REELD1: variants seen among roughly 807,000 people sequenced by gnomAD.
The protein encoded by REELD1 is reeler domain containing 1.
A neutral mutation model predicts 6.3 loss-of-function variants in REELD1; 12 were observed. The observed-to-expected ratio is 1.89, with a 90% confidence interval of 1.21 to 3.07. The LOEUF (loss-of-function observed/expected upper bound fraction) is 3.07. Ranked by LOEUF, REELD1 falls within the 30% of genes most tolerant of loss-of-function variation. The probability of loss-of-function intolerance (pLI) is 0.00; values close to 1 mark genes in which losing one functional copy is unlikely to be tolerated. For missense variants in REELD1, 163 were observed against 86.8 expected (o/e 1.88, Z -3.49); for synonymous variants, 57 against 33.6 (o/e 1.70, Z -2.42).
At chr4:146,215,790 G>T (rs1578695296) in intron 2 of REELD1, among the ~76,000 whole-genome samples, 2 of 136,962 alleles carry the variant, frequency 1.5e-5, no homozygotes, top group African/African-American at 5.5e-5. Context: ...TCGCTCTTTT[G>T]CCCAGGCTGG....
chr4:146,221,692 C>G (rs1465576044), intron 3 of REELD1, among the ~76,000 whole-genome samples: 1 of 152,130 alleles, frequency 6.6e-6, no homozygotes, highest in African/African-American at 2.4e-5. Flanking sequence ...AACCCTGTCT[C>G]TACTGAAAAT....
intron 3 of REELD1, among the ~76,000 whole-genome samples, chr4:146,217,806 A>C (rs1428061615): frequency 6.6e-6 from 1 of 152,232 alleles, no homozygotes; most frequent in African/African-American, 2.4e-5. Context: ...ACTAAAATTC[A>C]TCCATCAACA....
chr4:146,223,293 G>C (rs1038853373), intron 4 of REELD1, among the ~76,000 whole-genome samples: 1 of 152,168 alleles, frequency 6.6e-6, no homozygotes, highest in South Asian at 2.1e-4. Context: ...TCCCCTCCAG[G>C]ACTCCCCTCT....
At chr4:146,229,317 C>T (rs896809877) in intron 7 of REELD1, among the ~76,000 whole-genome samples, 10 of 152,228 alleles carry the variant, frequency 6.6e-5, no homozygotes, top group Admixed American at 4.6e-4. Flanking sequence ...GACTTGTCTT[C>T]TCACTTAGCC....
At chr4:146,223,779 T>A (rs1730967382) in intron 4 of REELD1, among the ~76,000 whole-genome samples, 1 of 152,252 alleles carries the variant, frequency 6.6e-6, no homozygotes. Flanking sequence ...GGGCCTGAAC[T>A]ATGACGCTCA....
intron 5 of REELD1, among the ~76,000 whole-genome samples, chr4:146,226,673 A>G (rs906906136): frequency 6.6e-6 from 1 of 152,108 alleles, no homozygotes; most frequent in African/African-American, 2.4e-5. Flanking sequence ...TCTTTACACT[A>G]TTGCATTGGG....
At chr4:146,217,953 G>A (rs1005695873) in intron 3 of REELD1, among the ~76,000 whole-genome samples, 1 of 152,160 alleles carries the variant, frequency 6.6e-6, no homozygotes, top group African/African-American at 2.4e-5. Flanking sequence ...AAATATTGGG[G>A]GATGAAAAAA....
chr4:146,222,227 AC>A (rs1730936735), intron 3 of REELD1, 129 bp from the exon 4 acceptor site: 1 of 397,020 alleles, frequency 2.5e-6, no homozygotes, highest in African/African-American at 2.1e-5. Flanking sequence ...CTTCAACTTT[AC>A]CCCCCTCTAA....
In REELD1 at chr4:146,230,381, G is replaced by C; in HGVS notation, c.1449G>C (p.Ser483=). ...QTEVSFSEPA[S]DAVARSNSGE... The stretch of plus-strand genomic sequence containing the variant: ...AAGTGTCTTTCAGTGAGCCCGCTTC[G>C]GATGCTGTTGCCAGGAGCAACAGTG... Residue 483 remains serine, a synonymous_variant, in exon 8 of 8, where the codon TCG becomes TCC. Transcript: ENST00000623665. 1 of 398,774 alleles carries C rather than the reference G, an allele frequency of 2.5e-6. No individual in the cohort carries two copies. Among genetic ancestry groups the C allele is most frequent in the South Asian group, 1.3e-4 (1 of 7,858 alleles). The allele number at this position is 398,774 out of a possible 1,614,324, so 24.7% of individuals were successfully genotyped here. A position where few individuals can be genotyped will look rare whatever the true frequency, so the allele number is the denominator to read the frequency against.
chr4:146,224,274 A>G (rs1018408667), intron 4 of REELD1, among the ~76,000 whole-genome samples, 171 bp from the exon 5 acceptor site: 5 of 152,224 alleles, frequency 3.3e-5, no homozygotes, highest in Admixed American at 6.5e-5. Context: ...TTTAAAAAGA[A>G]TGAAGTCACT....
intron 4 of REELD1, among the ~76,000 whole-genome samples, chr4:146,223,771 G>T (rs1730967339): frequency 6.6e-6 from 1 of 152,328 alleles, no homozygotes; most frequent in South Asian, 2.1e-4. Context: ...CATGTTGGGG[G>T]CCTGAACTAT....
chr4:146,217,292 G>A (rs1330643538), intron 3 of REELD1, 132 bp downstream of exon 3: 2 of 396,406 alleles, frequency 5.0e-6, no homozygotes, highest in Admixed American at 4.4e-5. Flanking sequence ...GTTTTTTGTA[G>A]AGATGGAGTC....
At chr4:146,225,875 C>T (rs1464882654) in intron 5 of REELD1, among the ~76,000 whole-genome samples, 3 of 152,170 alleles carry the variant, frequency 2.0e-5, no homozygotes, top group African/African-American at 7.2e-5. Context: ...GCCCACATTC[C>T]TCTCCTTCTG....
At chr4:146,223,454 C>T (rs573319008) in intron 4 of REELD1, among the ~76,000 whole-genome samples, 2 of 152,250 alleles carry the variant, frequency 1.3e-5, no homozygotes, top group African/African-American at 4.8e-5. Context: ...CCAGGGCCCG[C>T]TTACCTGTGG....
At position 146,222,535 on chromosome 4, in the gene REELD1, C is replaced by T. The variant is rs1232131323; in HGVS notation, c.387C>T (p.Phe129=). ...AGTCCCTGAAGAGAAACCTGTCATT[C>T]GTGTGGAAGGCCCCAGCCCAGCCTG... The part of the protein sequence containing the change: ...SDKSLKRNLS[F]VWKAPAQPVG... The change falls in exon 4 of 8, where the codon TTC becomes TTT. Residue 129 remains phenylalanine, a synonymous_variant. Transcript: ENST00000623665. 2.0e-5 allele frequency: 8 copies of T among 398,484 alleles called. No homozygotes were observed. The highest frequency in any genetic ancestry group is 3.5e-5 in the Non-Finnish European group (8 of 226,070). The allele number at this position is 398,484 out of a possible 1,614,324, so 24.7% of individuals were successfully genotyped here.
At chr4:146,215,499 G>A (rs553958656) in intron 2 of REELD1, among the ~76,000 whole-genome samples, 9 of 152,298 alleles carry the variant, frequency 5.9e-5, no homozygotes, top group African/African-American at 1.9e-4. Flanking sequence ...AATGTAAAAG[G>A]TGGTGTTGTG....
intron 5 of REELD1, among the ~76,000 whole-genome samples, chr4:146,226,073 A>G (rs1382311922): frequency 6.6e-6 from 1 of 152,198 alleles, no homozygotes; most frequent in Non-Finnish European, 1.5e-5. Flanking sequence ...ACCTTATTTC[A>G]TCTAATAAAG....
chr4:146,218,439 A>G (rs1295218666), intron 3 of REELD1, among the ~76,000 whole-genome samples: 1 of 152,218 alleles, frequency 6.6e-6, no homozygotes, highest in Non-Finnish European at 1.5e-5. Flanking sequence ...CCAACACATC[A>G]GCAACTTTTG....
chr4:146,215,518 C>T (rs1730808460), intron 2 of REELD1, among the ~76,000 whole-genome samples: 1 of 152,154 alleles, frequency 6.6e-6, no homozygotes, highest in South Asian at 2.1e-4. Flanking sequence ...TGTGAAGAGA[C>T]AATGGGAGTG....
Sources: allele counts gnomAD v4.1 joint callset (sites outside exome capture counted in the v4.1 genomes callset), GRCh38; gene constraint gnomAD v4.1.1; transcripts MANE v1.5; gene names NCBI Gene and HGNC (gene_info 2026-07-23, HGNC 2026-07-21).